SLC12A3: variants seen among roughly 807,000 people sequenced by gnomAD.
SLC12A3 encodes the protein solute carrier family 12 member 3.
In SLC12A3, 104 loss-of-function variants were observed where a neutral mutation model predicts 121.0. That is an observed-to-expected ratio of 0.86 (90% CI 0.73 to 1.01). The LOEUF (loss-of-function observed/expected upper bound fraction) is 1.01, where lower values mean the gene tolerates loss of function less well. Among genes scored for constraint, SLC12A3 ranks in the 50% least tolerant of loss-of-function variants. SLC12A3 has a pLI of 0.00. For missense variants in SLC12A3, 1,328 were observed against 1,356.3 expected (o/e 0.98, Z 0.33); for synonymous variants, 536 against 533.4 (o/e 1.00, Z -0.07).
chr16:56,893,540 A>G (rs575518136), intron 21 of SLC12A3, among the ~76,000 whole-genome samples: 2 of 152,312 alleles, frequency 1.3e-5, no homozygotes, highest in South Asian at 2.1e-4. Flanking sequence ...CTGACAGGGA[A>G]TTCCCTACCT....
intron 17 of SLC12A3, 134 bp from the exon 18 acceptor site, chr16:56,887,791 T>TA (rs1256688274): frequency 9.3e-6 from 1 of 108,102 alleles, no homozygotes; most frequent in Non-Finnish European, 1.9e-5. Context: ...TATATATATA[T>TA]ATATATATTT....
intron 17 of SLC12A3, among the ~76,000 whole-genome samples, chr16:56,887,671 C>T (rs1475727682): frequency 2.7e-5 from 4 of 150,254 alleles, no homozygotes; most frequent in East Asian, 2.0e-4. Flanking sequence ...GGTGACCAAG[C>T]GAGAACTAGA....
At chr16:56,904,140 C>A in intron 24 of SLC12A3, 1 of 449,010 alleles carries the variant, frequency 2.2e-6, no homozygotes, top group Non-Finnish European at 4.2e-6. Context: ...TTCCCTCTAC[C>A]CTGCTGGTTA....
intron 25 of SLC12A3, among the ~76,000 whole-genome samples, chr16:56,909,744 A>G (rs1160655144): frequency 1.3e-5 from 2 of 152,068 alleles, no homozygotes; most frequent in African/African-American, 2.4e-5. Flanking sequence ...CAAGTTCCTC[A>G]GTGCCTTCCA....
intron 22 of SLC12A3, among the ~76,000 whole-genome samples, chr16:56,898,192 A>G (rs553215066): frequency 1.3e-5 from 2 of 152,270 alleles, no homozygotes; most frequent in African/African-American, 4.8e-5. Flanking sequence ...TTCTGACTCA[A>G]TGATGGGCAA....
intron 2 of SLC12A3, 104 bp from the exon 3 acceptor site, chr16:56,868,193 C>T (rs765131806): frequency 9.3e-7 from 1 of 1,076,204 alleles, no homozygotes; most frequent in Non-Finnish European, 1.4e-6. Context: ...CCAGGTGTCC[C>T]TAGGGCCTAG....
rs369263832 is a variant in SLC12A3, at chr16:56,879,626, G to C, written c.1420G>C (p.Val474Leu). ...CCTCTCCTCTGCCCTGGCCTGCCTT[G>C]TCTCTGCTGCCAAAGTCTTCCAGGT... ...ATLSSALACL[V>L]SAAKVFQCLC... The change falls in exon 11 of 26, where the codon GTC (valine) becomes CTC (leucine). Residue 474 changes from valine to leucine, a missense_variant. By Grantham distance (32) the Val-to-Leu change is conservative. Transcript: ENST00000563236. 52 of 1,613,342 alleles carry C rather than the reference G, an allele frequency of 3.2e-5. No homozygotes were observed. Among genetic ancestry groups the C allele is most frequent in the Non-Finnish European group, 4.0e-5 (47 of 1,179,952 alleles).
Position 56,872,362 on chromosome 16 carries a change from G to T in SLC12A3, c.864G>T (p.Leu288=), listed in dbSNP as rs1250617826. 3 of 1,613,858 alleles carry T rather than the reference G, an allele frequency of 1.9e-6. No individual in the cohort carries two copies. The highest frequency in any genetic ancestry group is 2.7e-5 in the African/African-American group (2 of 75,060). The part of the protein sequence containing the change: ...GMEWESKAQV[L]FFLVIMVSFA... ...TTCGCCCCCTCCAGGCCCAGGTGCT[G>T]TTCTTCCTTGTCATCATGGTCTCCT... Residue 288 remains leucine (L), a synonymous_variant, in exon 7 of 26, where the codon CTG becomes CTT. Coordinates refer to ENST00000563236, the MANE Select transcript of SLC12A3 (RefSeq NM_001126108.2).
At chr16:56,890,230 TG>T (rs769781522) in intron 18 of SLC12A3, 43 bp from the exon 19 acceptor site, 58 of 1,469,848 alleles carry the variant, frequency 3.9e-5, no homozygotes, top group Non-Finnish European at 5.0e-5. Flanking sequence ...ACCTCCCCAG[TG>T]GGAGCTGGGG....
chr16:56,885,243 C>T (rs750591826), intron 14 of SLC12A3, 22 bp from the exon 15 acceptor site: 37 of 1,414,686 alleles, frequency 2.6e-5, no homozygotes, highest in African/African-American at 7.1e-5. Context: ...CTCTCACCCC[C>T]GTTGCTCCCT....
rs147076872 is a variant in SLC12A3, at chr16:56,885,018, C to T, written c.1826-247C>T. On this transcript the variant is annotated intron_variant, in intron 14 of 25. Transcript: ENST00000563236. Reference sequence around the variant, plus strand: ...CTGACCTCAGGTGATTCGCCTGCCTCGGCCTCCCAAAGTGCTAGGATTACA... The same window carrying T: ...CTGACCTCAGGTGATTCGCCTGCCTTGGCCTCCCAAAGTGCTAGGATTACA... Among the ~76,000 whole-genome samples, 641 of 152,264 alleles carry T rather than the reference C, an allele frequency of 4.2e-3. 5 individuals carry two copies. The highest frequency in any genetic ancestry group is 0.015 in the African/African-American group (625 of 41,548).
chr16:56,880,182 A>C lies in SLC12A3; in HGVS notation c.1496A>C (p.Tyr499Ser). The change falls in exon 12 of 26, where the codon TAT becomes TCT. Residue 499 changes from tyrosine to serine, a missense_variant. Coordinates refer to ENST00000563236, the MANE Select transcript of SLC12A3 (RefSeq NM_001126108.2). ...YPLIGFFGKG[Y>S]GKNKEPVRGY... ...CTGATCGGCTTCTTCGGCAAAGGCT[A>C]TGGCAAGAACAAGGAGCCCGTGCGT... 6.2e-7 allele frequency: 1 copy of C among 1,603,892 alleles called. No individual in the cohort carries two copies. The highest frequency in any genetic ancestry group is 8.5e-7 in the Non-Finnish European group (1 of 1,176,232).
At chr16:56,874,977 G>A (rs1161198157) in intron 8 of SLC12A3, among the ~76,000 whole-genome samples, 1 of 152,204 alleles carries the variant, frequency 6.6e-6, no homozygotes, top group Non-Finnish European at 1.5e-5. Flanking sequence ...GGCCTGGTCT[G>A]CCTGCCCTGA....
At chr16:56,866,040 C>G (rs1964347199) in intron 1 of SLC12A3, among the ~76,000 whole-genome samples, 1 of 150,738 alleles carries the variant, frequency 6.6e-6, no homozygotes, top group African/African-American at 2.4e-5. Flanking sequence ...GGCTGGAGTG[C>G]AGTGGTGTGA....
Position 56,870,132 on chromosome 16 carries a change from C to G in SLC12A3, c.638C>G (p.Pro213Arg). The G allele has an allele frequency of 1.2e-6, 2 of 1,613,984 alleles. No homozygotes were observed. Among genetic ancestry groups the G allele is most frequent in the Non-Finnish European group, 1.7e-6 (2 of 1,180,034 alleles). Residue 213 changes from proline (P) to arginine (R), a missense_variant, in exon 5 of 26, where the codon CCA becomes CGA. Transcript: ENST00000563236. The part of the protein sequence containing the change: ...TYFLISRSLG[P>R]ELGGSIGLIF... The stretch of plus-strand genomic sequence containing the variant: ...TTCCTCATCTCCCGGAGTCTGGGCC[C>G]AGAGCTTGGGGGCTCCATCGGCCTC...
Position 56,887,030 on chromosome 16 carries a change from CA to C in SLC12A3, c.2117del (p.Lys706ArgfsTer28), listed in dbSNP as rs2055322710. 2 of 1,613,866 alleles carry C rather than the reference CA, an allele frequency of 1.2e-6. No individual in the cohort carries two copies. The highest frequency in any genetic ancestry group is 1.7e-6 in the Non-Finnish European group (2 of 1,180,020). On this transcript the variant is annotated frameshift_variant, in exon 17 of 26. Coordinates refer to ENST00000563236, the MANE Select transcript of SLC12A3 (RefSeq NM_001126108.2). LOFTEE classifies it high-confidence loss of function. ...CCAAGTGGCTGAACAAGAGGAAGATCAAGGCCTTCTACTCGGATGTCATTGC... is the reference window on the plus strand; with the variant it reads ...CCAAGTGGCTGAACAAGAGGAAGATCAGGCCTTCTACTCGGATGTCATTGC... ...HTKWLNKRKI[K>X]AFYSDVIAED... is the part of the protein sequence containing the mutation.
At chr16:56,885,406 G>T (rs1260594529) in intron 15 of SLC12A3, 42 bp downstream of exon 15, 1 of 1,280,176 alleles carries the variant, frequency 7.8e-7, no homozygotes, top group African/African-American at 1.5e-5. Context: ...CCCAGGGCCA[G>T]TGATGGCTCC....
At position 56,870,106 on chromosome 16, in the gene SLC12A3, CT is replaced by C; in HGVS notation, c.614del (p.Phe205SerfsTer97). 6.2e-7 allele frequency: 1 copy of C among 1,613,518 alleles called. No homozygotes were observed. Among genetic ancestry groups the C allele is most frequent in the Non-Finnish European group, 8.5e-7 (1 of 1,180,042 alleles). The stretch of plus-strand genomic sequence containing the variant: ...GCTCTGCCCTGATAGGTGGCACCTA[CT>C]TCCTCATCTCCCGGAGTCTGGGCCC... ...NGKVKSGGTY[F>X]LISRSLGPEL... On this transcript the variant is annotated frameshift_variant, in exon 5 of 26. Coordinates refer to ENST00000563236, the MANE Select transcript of SLC12A3 (RefSeq NM_001126108.2). LOFTEE classifies it high-confidence loss of function.
At chr16:56,867,498 A>G (rs1964386198) in intron 2 of SLC12A3, among the ~76,000 whole-genome samples, 1 of 152,240 alleles carries the variant, frequency 6.6e-6, no homozygotes, top group Non-Finnish European at 1.5e-5. Flanking sequence ...AAGGTTTGCT[A>G]TAGTGAGGAG....
Sources: allele counts gnomAD v4.1 joint callset (sites outside exome capture counted in the v4.1 genomes callset), GRCh38; gene constraint gnomAD v4.1.1; transcripts MANE v1.5; gene names NCBI Gene and HGNC (gene_info 2026-07-23, HGNC 2026-07-21).